MAML3: variants seen among roughly 807,000 people sequenced by gnomAD.
MAML3 encodes mastermind-like protein 3.
MAML3 carries 27 observed loss-of-function variants against 101.9 expected under a neutral mutation model. The ratio of observed to expected loss-of-function variants is 0.27; its 90% confidence interval spans 0.20 to 0.37. The LOEUF (loss-of-function observed/expected upper bound fraction) is 0.37, where lower values mean the gene tolerates loss of function less well. MAML3 is among the 10% of genes least tolerant of loss of function. The pLI is 1.00. For synonymous variants in MAML3, 501 were observed against 555.9 expected, an observed-to-expected ratio of 0.90 and a Z score of 1.39; for missense variants, 1,316 against 1,444.9, an observed-to-expected ratio of 0.91 and a Z score of 1.45.
intron 1 of MAML3, among the ~76,000 whole-genome samples, chr4:139,933,256 A>C (rs761760921): frequency 6.6e-6 from 1 of 152,076 alleles, no homozygotes; most frequent in African/African-American, 2.4e-5. Context: ...CCTTGGAGGG[A>C]GTGGTTTGTC....
intron 1 of MAML3, among the ~76,000 whole-genome samples, chr4:139,977,530 TG>T (rs1734364068): frequency 6.6e-6 from 1 of 152,174 alleles, no homozygotes; most frequent in Non-Finnish European, 1.5e-5. Context: ...CTGCCCTTAC[TG>T]GTAATACTAA....
chr4:140,028,207 C>T (rs1413635746), intron 1 of MAML3, among the ~76,000 whole-genome samples: 1 of 152,126 alleles, frequency 6.6e-6, no homozygotes. Context: ...TTTTACTATA[C>T]ATTAGCAACA....
chr4:140,036,556 G>A (rs937463366), intron 1 of MAML3, among the ~76,000 whole-genome samples: 13 of 151,946 alleles, frequency 8.6e-5, no homozygotes, highest in South Asian at 4.1e-4. Context: ...TAGACTGTAC[G>A]GTGTGCCAGA....
At chr4:140,099,078 T>C (rs1728211845) in intron 1 of MAML3, among the ~76,000 whole-genome samples, 1 of 152,208 alleles carries the variant, frequency 6.6e-6, no homozygotes, top group South Asian at 2.1e-4. Flanking sequence ...CCAAGAATAA[T>C]TTATGCACAA....
At chr4:139,835,142 A>G (rs1398318839) in intron 2 of MAML3, among the ~76,000 whole-genome samples, 3 of 152,286 alleles carry the variant, frequency 2.0e-5, no homozygotes, top group East Asian at 1.9e-4. Context: ...AAGTTTAACT[A>G]AAGTAAATGT....
chr4:139,946,198 G>T (rs969461794), intron 1 of MAML3, among the ~76,000 whole-genome samples: 3 of 152,178 alleles, frequency 2.0e-5, no homozygotes, highest in Non-Finnish European at 4.4e-5. Flanking sequence ...TGTGTGCAAG[G>T]TGTGATGAAA....
chr4:140,045,942 C>T (rs916233767), intron 1 of MAML3, among the ~76,000 whole-genome samples: 3 of 152,106 alleles, frequency 2.0e-5, no homozygotes, highest in South Asian at 4.2e-4. Flanking sequence ...TGTTTTGGTG[C>T]GTGAGAAAAA....
chr4:139,781,052 C>T (rs1173418393), intron 2 of MAML3, among the ~76,000 whole-genome samples: 4 of 152,106 alleles, frequency 2.6e-5, no homozygotes, highest in Non-Finnish European at 5.9e-5. Flanking sequence ...ATCCCTATGC[C>T]CAACTACTAT....
intron 1 of MAML3, among the ~76,000 whole-genome samples, chr4:140,049,910 G>T (rs1387135909): frequency 6.6e-6 from 1 of 152,008 alleles, no homozygotes; most frequent in African/African-American, 2.4e-5. Flanking sequence ...AGTCAACACA[G>T]TAGCTATTTC....
At chr4:139,849,001 C>G (rs191525333) in intron 2 of MAML3, among the ~76,000 whole-genome samples, 9 of 152,240 alleles carry the variant, frequency 5.9e-5, no homozygotes, top group African/African-American at 2.2e-4. Context: ...TTGTTTCTTT[C>G]CCTTCTTGCT....
At chr4:139,947,188 G>A (rs999112162) in intron 1 of MAML3, among the ~76,000 whole-genome samples, 2 of 152,104 alleles carry the variant, frequency 1.3e-5, no homozygotes, top group Non-Finnish European at 2.9e-5. Context: ...TATTTAGGGT[G>A]GAGATTTTCT....
intron 1 of MAML3, among the ~76,000 whole-genome samples, chr4:139,962,413 C>G (rs1162349814): frequency 6.6e-6 from 1 of 152,128 alleles, no homozygotes; most frequent in African/African-American, 2.4e-5. Flanking sequence ...GCAATTAAAG[C>G]TATTAAGTCA....
At chr4:139,776,576 C>T (rs932820455) in intron 2 of MAML3, among the ~76,000 whole-genome samples, 7 of 152,324 alleles carry the variant, frequency 4.6e-5, no homozygotes, top group Admixed American at 6.5e-5. Context: ...TAGACTGAGG[C>T]TTTCCCTGAA....
At chr4:140,016,423 AC>A (rs1726643233) in intron 1 of MAML3, among the ~76,000 whole-genome samples, 1 of 152,254 alleles carries the variant, frequency 6.6e-6, no homozygotes, top group Non-Finnish European at 1.5e-5. Context: ...GTAGATGAAG[AC>A]AAATATTCTA....
chr4:139,773,136 G>A (rs948657982), intron 2 of MAML3, among the ~76,000 whole-genome samples: 59 of 152,142 alleles, frequency 3.9e-4, no homozygotes, highest in African/African-American at 1.4e-3. Context: ...TCCAGAAGCT[G>A]AGGATAGAAC....
At chr4:139,891,617 G>C (rs1321141711) in intron 1 of MAML3, among the ~76,000 whole-genome samples, 1 of 152,074 alleles carries the variant, frequency 6.6e-6, no homozygotes, top group African/African-American at 2.4e-5. Context: ...ACTTGAAAAC[G>C]ATGTTAATAC....
intron 1 of MAML3, among the ~76,000 whole-genome samples, chr4:140,117,829 G>C (rs187106821): frequency 2.0e-5 from 3 of 151,806 alleles, no homozygotes; most frequent in Non-Finnish European, 2.9e-5. Context: ...ATTATCAAAG[G>C]AGCCCAACAG....
chr4:139,914,271 T>C (rs1255178155), intron 1 of MAML3, among the ~76,000 whole-genome samples: 2 of 152,228 alleles, frequency 1.3e-5, no homozygotes, highest in Admixed American at 6.5e-5. Flanking sequence ...TCGGCAAAAA[T>C]TAGTTCATTC....
At chr4:140,003,645 GATA>G (rs1268571941) in intron 1 of MAML3, among the ~76,000 whole-genome samples, 1 of 152,174 alleles carries the variant, frequency 6.6e-6, no homozygotes, top group Non-Finnish European at 1.5e-5. Context: ...TTAAAGTGAG[GATA>G]ATAACATTTT....
Sources: allele counts gnomAD v4.1 joint callset (sites outside exome capture counted in the v4.1 genomes callset), GRCh38; gene constraint gnomAD v4.1.1; transcripts MANE v1.5; gene names NCBI Gene and HGNC (gene_info 2026-07-23, HGNC 2026-07-21).